CPED1: variants seen among roughly 807,000 people sequenced by gnomAD.
CPED1 encodes the protein cadherin like and PC-esterase domain containing 1, also known as cadherin-like and PC-esterase domain-containing protein 1.
A neutral mutation model predicts 128.2 loss-of-function variants in CPED1; 114 were observed. The ratio of observed to expected loss-of-function variants is 0.89; its 90% CI spans 0.76 to 1.04. The LOEUF (loss-of-function observed/expected upper bound fraction) is 1.04, where lower values mean the gene tolerates loss of function less well. CPED1 is among the 50% of genes least tolerant of loss of function. CPED1 has a pLI of 0.00. For synonymous variants in CPED1, 462 were observed against 426.7 expected (o/e 1.08, Z -1.02); for missense variants, 1,211 against 1,207.1 (o/e 1.00, Z -0.05).
intron 16 of CPED1, among the ~76,000 whole-genome samples, chr7:121,181,756 C>T (rs1319269319): frequency 6.6e-6 from 1 of 152,064 alleles, no homozygotes; most frequent in Non-Finnish European, 1.5e-5. Context: ...TTATTAAGTT[C>T]CTTTTACAAA....
At chr7:121,047,668 T>C (rs111720616) in intron 4 of CPED1, among the ~76,000 whole-genome samples, 1,451 of 11,970 alleles carry the variant, frequency 0.12, 10 homozygotes, top group African/African-American at 0.18. Context: ...CTTCTTCTTC[T>C]TCTTCTTCTT....
intron 5 of CPED1, among the ~76,000 whole-genome samples, chr7:121,065,435 G>A (rs2215788): frequency 0.91 from 138,247 of 152,148 alleles, 62,900 homozygotes; most frequent in Middle Eastern, 0.99. Context: ...AATTATTTTC[G>A]TTAATACAAT....
rs555428677 is a variant in CPED1, at chr7:120,997,835, T to C, written c.249+7965T>C. ...TACTCAGTAGACTGAGACAAGAGAA[T>C]CACTTGAACCCAGGAGGCAGAGGTT... On this transcript the variant is annotated intron_variant, in intron 2 of 22. Transcript: ENST00000310396. Among the ~76,000 whole-genome samples the C allele has an allele frequency of 1.2e-4, 18 of 151,482 alleles. No individual in the cohort carries two copies. The South Asian group carries it at 3.3e-3, about 28-fold the overall frequency.
At chr7:121,276,284 G>A (rs1237480651) in intron 22 of CPED1, among the ~76,000 whole-genome samples, 1 of 151,832 alleles carries the variant, frequency 6.6e-6, no homozygotes, top group Non-Finnish European at 1.5e-5. Flanking sequence ...AGCTATCTTC[G>A]ACTTTTGCTT....
At chr7:121,077,695 TC>T (rs564571497) in intron 5 of CPED1, among the ~76,000 whole-genome samples, 171 of 150,884 alleles carry the variant, frequency 1.1e-3, no homozygotes, top group African/African-American at 4.0e-3. Flanking sequence ...TATATATTTT[TC>T]CATTTATACA....
chr7:121,040,762 A>T lies in CPED1; in HGVS notation c.434-6125A>T, dbSNP rs114255842. On this transcript the variant is annotated intron_variant, in intron 3 of 22. Coordinates refer to ENST00000310396, the MANE Select transcript of CPED1 (RefSeq NM_024913.5). ...AATTACTAAAAAATTAAACACCTTT[A>T]GTACTTCACCTTAAAGGAAAAAAAC... is the stretch of plus-strand genomic sequence containing the variant. Among the ~76,000 whole-genome samples, 671 of 152,180 alleles carry T rather than the reference A, an allele frequency of 4.4e-3. 5 individuals are homozygous for T. Among genetic ancestry groups the T allele is most frequent in the African/African-American group, 0.015 (631 of 41,574 alleles).
chr7:121,189,308 T>C (rs988375983), intron 16 of CPED1, among the ~76,000 whole-genome samples: 1 of 152,120 alleles, frequency 6.6e-6, no homozygotes, highest in African/African-American at 2.4e-5. Flanking sequence ...TTTAATTGAC[T>C]GACAGTTCTG....
At chr7:121,210,993 AAGTT>A (rs949953101) in intron 16 of CPED1, among the ~76,000 whole-genome samples, 9 of 149,164 alleles carry the variant, frequency 6.0e-5, no homozygotes, top group Non-Finnish European at 1.0e-4. Context: ...AATAAAGAAA[AAGTT>A]AGTTTAGTTG....
intron 17 of CPED1, among the ~76,000 whole-genome samples, chr7:121,243,793 C>T (rs531938777): frequency 4.3e-4 from 66 of 152,268 alleles, no homozygotes; most frequent in African/African-American, 1.5e-3. Flanking sequence ...ATCTATTATA[C>T]TTATGGACAG....
intron 4 of CPED1, among the ~76,000 whole-genome samples, chr7:121,057,325 A>T (rs1488510780): frequency 5.3e-5 from 8 of 152,096 alleles, no homozygotes; most frequent in Non-Finnish European, 1.0e-4. Context: ...TCAGGAGTAC[A>T]TGTGTAGTTT....
chr7:121,070,871 G>A (rs528817428), intron 5 of CPED1, among the ~76,000 whole-genome samples: 3 of 152,208 alleles, frequency 2.0e-5, no homozygotes, highest in East Asian at 1.9e-4. Context: ...ACTGAAGCAA[G>A]TTTATTAGGT....
At position 121,224,477 on chromosome 7, in the gene CPED1, G is replaced by T. The variant is rs187813396; in HGVS notation, c.2056-12237G>T. Among the ~76,000 whole-genome samples the T allele has an allele frequency of 3.6e-3, 543 of 152,200 alleles. 2 individuals carry two copies. Among genetic ancestry groups the T allele is most frequent in the Non-Finnish European group, 4.6e-3 (312 of 67,998 alleles). ...AGTTCTGTAGATGTCTGTTAGTTCT[G>T]CTTGGTGCAGAGCTGAGTTCAAGTC... On this transcript the variant is annotated intron_variant, in intron 16 of 22. Coordinates refer to ENST00000310396, the MANE Select transcript of CPED1 (RefSeq NM_024913.5).
At chr7:121,195,063 G>C (rs1279588759) in intron 16 of CPED1, 1 of 152,130 alleles carries the variant, frequency 6.6e-6, no homozygotes, top group Non-Finnish European at 1.5e-5. Flanking sequence ...AGCACCATTA[G>C]TTTTCAATAT....
chr7:121,142,492 T>A (rs1563043380), intron 16 of CPED1, among the ~76,000 whole-genome samples: 1 of 152,066 alleles, frequency 6.6e-6, no homozygotes, highest in Non-Finnish European at 1.5e-5. Flanking sequence ...ACTTTTGAAA[T>A]GTTAAACTAG....
intron 16 of CPED1, among the ~76,000 whole-genome samples, chr7:121,174,717 T>G (rs1197105526): frequency 6.6e-6 from 1 of 152,030 alleles, no homozygotes; most frequent in Non-Finnish European, 1.5e-5. Context: ...CTTTTTTGGT[T>G]GTTCCATATG....
chr7:121,256,722 T>G (rs184020126), intron 18 of CPED1, among the ~76,000 whole-genome samples: 3 of 152,008 alleles, frequency 2.0e-5, no homozygotes, highest in African/African-American at 7.2e-5. Flanking sequence ...ATTTATTTCC[T>G]TCCCAAAGGA....
At chr7:121,192,429 G>C (rs1797163336) in intron 16 of CPED1, among the ~76,000 whole-genome samples, 1 of 152,090 alleles carries the variant, frequency 6.6e-6, no homozygotes. Flanking sequence ...AACACTTCTG[G>C]TTCCAAATAT....
chr7:121,041,137 T>C (rs533018367), intron 3 of CPED1, among the ~76,000 whole-genome samples: 24 of 152,268 alleles, frequency 1.6e-4, no homozygotes, highest in African/African-American at 5.5e-4. Flanking sequence ...ACTATTATTC[T>C]ATTTTTAACT....
At chr7:121,204,608 A>C (rs1376869670) in intron 16 of CPED1, among the ~76,000 whole-genome samples, 1 of 152,132 alleles carries the variant, frequency 6.6e-6, no homozygotes, top group Non-Finnish European at 1.5e-5. Flanking sequence ...TTGTCCCTTC[A>C]CAGAGGACTG....
Sources: gnomAD v4.1 joint callset for allele counts (sites outside exome capture counted in the v4.1 genomes callset) on GRCh38, gnomAD v4.1.1 for gene constraint, MANE v1.5 for transcripts, NCBI Gene and HGNC (gene_info 2026-07-23, HGNC 2026-07-21) for gene names.